The following CLCN7 variants were observed in gnomAD, a reference collection of about 807,000 sequenced individuals.
The protein encoded by CLCN7 is Cl-/H+ antiporter 7.
Under a neutral mutation model 102.1 loss-of-function variants are expected in CLCN7, and 60 were observed. The ratio of observed to expected loss-of-function variants is 0.59; its 90% CI spans 0.48 to 0.73. CLCN7 has a LOEUF of 0.73. Ranked by LOEUF, CLCN7 falls within the 30% of genes least tolerant of loss-of-function variation. The pLI is 0.00. For missense variants in CLCN7, 962 were observed against 1,125.7 expected, an observed-to-expected ratio of 0.85 and a Z score of 2.08; for synonymous variants, 560 against 490.5, an observed-to-expected ratio of 1.14 and a Z score of -1.87.
At chr16:1,451,373 T>C (rs2038747587) in intron 16 of CLCN7, among the ~76,000 whole-genome samples, 1 of 152,120 alleles carries the variant, frequency 6.6e-6, no homozygotes, top group Non-Finnish European at 1.5e-5. Context: ...AGCCAGATAA[T>C]GTTGCTTTTT....
intron 15 of CLCN7, 119 bp downstream of exon 15, chr16:1,452,636 C>T (rs2038769250): frequency 2.8e-6 from 3 of 1,072,686 alleles, no homozygotes; most frequent in Non-Finnish European, 4.0e-6. Flanking sequence ...CACGCCAGCC[C>T]ATGCGCTTCT....
intron 2 of CLCN7, among the ~76,000 whole-genome samples, chr16:1,462,684 A>C (rs1347417836): frequency 6.6e-6 from 1 of 150,536 alleles, no homozygotes; most frequent in African/African-American, 2.5e-5. Context: ...AAAAAAAAAA[A>C]AAACCAGGCA....
intron 1 of CLCN7, among the ~76,000 whole-genome samples, chr16:1,469,507 G>A (rs527977654): frequency 2.6e-5 from 4 of 151,410 alleles, no homozygotes; most frequent in Admixed American, 6.6e-5. Context: ...CCAATGTGGC[G>A]AAACCCCAAC....
chr16:1,461,408 G>A lies in CLCN7; in HGVS notation c.348C>T (p.His116=). The change falls in exon 4 of 25, where the codon CAC becomes CAT. Residue 116 remains histidine (H), a synonymous_variant. Coordinates refer to ENST00000382745, the MANE Select transcript of CLCN7 (RefSeq NM_001287.6). ...CAGGGAGCGGCGTCCAGCTCACCGT[G>A]TGATTGATCCGCCGCTCCTCCTCCA... ...LFLEEERRIN[H]TAFRTVEIKR... 1.3e-6 allele frequency: 2 copies of A among 1,549,782 alleles called. No homozygotes were observed. The highest frequency in any genetic ancestry group is 1.7e-6 in the Non-Finnish European group (2 of 1,147,266).
rs71384099 is a variant in CLCN7, at chr16:1,465,514, G to A, written c.142-176C>T. On this transcript the variant is annotated intron_variant, in intron 1 of 24. Transcript: ENST00000382745. The stretch of plus-strand genomic sequence containing the variant: ...GCAGGGCTGGGACGGGCCTCCCTGG[G>A]CCCTGGAAGCAGAACTGATCCGGCT... Among the ~76,000 whole-genome samples the A allele has an allele frequency of 0.15, 22,100 of 152,174 alleles. 1,832 individuals carry two copies. Among genetic ancestry groups the A allele is most frequent in the African/African-American group, 0.22 (8,953 of 41,510 alleles).
In CLCN7 at chr16:1,460,906, G is replaced by C; in HGVS notation, c.394C>G (p.Leu132Val). The change falls in exon 5 of 25, where the codon CTC becomes GTC. Residue 132 changes from leucine (L) to valine (V), a missense_variant. Leu to Val is a conservative substitution (Grantham distance 32). Transcript: ENST00000382745. ...VEIKRWVICA[L>V]IGILTGLVAC... ...ACGAGGCCCGTGAGGATCCCAATGA[G>C]GGCGCAGATGACCCAGCGCTTGATC... 3 of 1,613,954 alleles carry C rather than the reference G, an allele frequency of 1.9e-6. No homozygotes were observed. The highest frequency in any genetic ancestry group is 2.5e-6 in the Non-Finnish European group (3 of 1,179,944).
chr16:1,468,601 C>A (rs2039035953), intron 1 of CLCN7, among the ~76,000 whole-genome samples: 2 of 152,304 alleles, frequency 1.3e-5, no homozygotes, highest in South Asian at 4.1e-4. Context: ...CGGACACTAA[C>A]TAAAAACAGA....
chr16:1,468,491 C>T lies in CLCN7; in HGVS notation c.142-3153G>A, dbSNP rs1269474650. ...TTCAAGTTCAGCAATGCATTCCGTG[C>T]GGTTACTTTCTTTTTTAAATGCAAG... On this transcript the variant is annotated intron_variant, in intron 1 of 24. Transcript: ENST00000382745. Among the ~76,000 whole-genome samples the T allele has an allele frequency of 3.3e-5, 5 of 152,312 alleles. 1 individual carries two copies. The highest frequency in any genetic ancestry group is 2.1e-4 in the South Asian group (1 of 4,830).
chr16:1,469,967 G>A (rs1207826886), intron 1 of CLCN7, among the ~76,000 whole-genome samples: 1 of 152,248 alleles, frequency 6.6e-6, no homozygotes, highest in African/African-American at 2.4e-5. Context: ...GAAAAAGACA[G>A]CTCCCGCAGG....
chr16:1,468,929 G>A lies in CLCN7; in HGVS notation c.142-3591C>T, dbSNP rs1427199712. Among the ~76,000 whole-genome samples the A allele has an allele frequency of 2.6e-5, 4 of 151,876 alleles. No homozygotes were observed. The East Asian group carries it at 5.8e-4, about 22-fold the overall frequency. On this transcript the variant is annotated intron_variant, in intron 1 of 24. Coordinates refer to ENST00000382745, the MANE Select transcript of CLCN7 (RefSeq NM_001287.6). ...AAAAGGGCTGGGCACAGTGGCTCACGCCTGTAATCCCAGCGCTTTCGGAGG... is the reference window on the plus strand; with the variant it reads ...AAAAGGGCTGGGCACAGTGGCTCACACCTGTAATCCCAGCGCTTTCGGAGG...
At position 1,458,543 on chromosome 16, in the gene CLCN7, A is replaced by C. The variant is rs371867630; in HGVS notation, c.675+564T>G. On this transcript the variant is annotated intron_variant, in intron 7 of 24. Transcript: ENST00000382745. ...GACACACTGGTCCCGCTCCTTGGCC[A>C]CGGGGACCAGGCCCCGGAAGCACCC... 3.5e-3 allele frequency among the ~76,000 whole-genome samples: 533 copies of C among 152,268 alleles called. 10 individuals are homozygous for C. Among genetic ancestry groups the C allele is most frequent in the East Asian group, 7.6e-3 (39 of 5,158 alleles).
rs756422805 is a variant in CLCN7 at position 1,449,097 on chromosome 16, C to A, written c.1670-4G>T. 1 of 1,612,776 alleles carries A rather than the reference C, an allele frequency of 6.2e-7. No individual in the cohort carries two copies. On this transcript the variant is annotated splice_region_variant and splice_polypyrimidine_tract_variant and intron_variant, in intron 18 of 24. Transcript: ENST00000382745. The stretch of plus-strand genomic sequence containing the variant: ...AGTGTCATCCGCACAATCCCGCCTG[C>A]GGGAGCCATCATGAACCCCAGCACG...
At chr16:1,472,322 C>G (rs955719421) in intron 1 of CLCN7, among the ~76,000 whole-genome samples, 1 of 152,038 alleles carries the variant, frequency 6.6e-6, no homozygotes, top group Non-Finnish European at 1.5e-5. Flanking sequence ...CCTCTGCCTC[C>G]TGGGTTCAAG....
chr16:1,462,625 C>T (rs2038953324), intron 2 of CLCN7, among the ~76,000 whole-genome samples: 1 of 144,180 alleles, frequency 6.9e-6, no homozygotes, highest in Admixed American at 6.9e-5. Flanking sequence ...ATCCACCCAG[C>T]CTGGGCAACA....
intron 1 of CLCN7, among the ~76,000 whole-genome samples, chr16:1,470,244 G>A (rs147566639): frequency 3.3e-5 from 5 of 152,318 alleles, no homozygotes; most frequent in East Asian, 3.9e-4. Flanking sequence ...TAATCCTTCC[G>A]CCTTGGCCTC....
chr16:1,450,608 G>T lies in CLCN7; in HGVS notation c.1506C>A (p.Cys502Ter). The change falls in exon 17 of 25, where the codon TGC (cysteine) becomes TGA (stop). Residue 502 changes from cysteine (C) to a stop codon, truncating the protein, a stop_gained. Coordinates refer to ENST00000382745, the MANE Select transcript of CLCN7 (RefSeq NM_001287.6). LOFTEE classifies it high-confidence loss of function. ...LFTLVYFFLA[C>*]WTYGLTVSAG... ...CAGACACCGTGAGCCCGTAGGTCCAGCAGGCCAGGAAGAAGTAGACCAGCG... is the reference window on the plus strand; with the variant it reads ...CAGACACCGTGAGCCCGTAGGTCCATCAGGCCAGGAAGAAGTAGACCAGCG... 6.2e-7 allele frequency: 1 copy of T among 1,612,640 alleles called. No individual in the cohort carries two copies. The highest frequency in any genetic ancestry group is 8.5e-7 in the Non-Finnish European group (1 of 1,179,774).
chr16:1,458,419 G>A (rs1475206702), intron 7 of CLCN7, among the ~76,000 whole-genome samples: 1 of 152,260 alleles, frequency 6.6e-6, no homozygotes, highest in Non-Finnish European at 1.5e-5. Flanking sequence ...CCTGGCGCGG[G>A]TGACAGGCGG....
At chr16:1,470,968 C>T (rs2039069861) in intron 1 of CLCN7, among the ~76,000 whole-genome samples, 1 of 152,236 alleles carries the variant, frequency 6.6e-6, no homozygotes. Flanking sequence ...GCCGCTTTCC[C>T]TCTCAGTTCT....
At chr16:1,459,685 T>C (rs368064115) in intron 6 of CLCN7, among the ~76,000 whole-genome samples, 1 of 27,186 alleles carries the variant, frequency 3.7e-5, no homozygotes, top group Non-Finnish European at 6.7e-5. Flanking sequence ...CGTCGGGGCC[T>C]CAGGGAAGGG....
Sources: allele counts gnomAD v4.1 joint callset (sites outside exome capture counted in the v4.1 genomes callset), GRCh38; gene constraint gnomAD v4.1.1; transcripts MANE v1.5; gene names NCBI Gene and HGNC (gene_info 2026-07-23, HGNC 2026-07-21).